KIAA0825: variants seen among roughly 807,000 people sequenced by gnomAD.
KIAA0825 encodes uncharacterized protein KIAA0825.
KIAA0825 carries 119 observed loss-of-function variants against 147.6 expected under a neutral mutation model. The ratio of observed to expected loss-of-function variants is 0.81; its 90% CI spans 0.69 to 0.94. The LOEUF is 0.94. Ranked by LOEUF, KIAA0825 falls within the 40% of genes least tolerant of loss-of-function variation. The pLI, the probability that KIAA0825 is intolerant of heterozygous loss-of-function variation, is 0.00. For synonymous variants in KIAA0825, 470 were observed against 518.1 expected (o/e 0.91, Z 1.26); for missense variants, 1,381 against 1,472.7 (o/e 0.94, Z 1.02).
chr5:94,477,112 T>C lies in KIAA0825; in HGVS notation c.1226A>G (p.Glu409Gly). 10 of 1,549,032 alleles carry C rather than the reference T, an allele frequency of 6.5e-6. No individual in the cohort carries two copies. The South Asian group carries it at 1.2e-4, about 18-fold the overall frequency. Residue 409 changes from glutamate to glycine, a missense_variant and splice_region_variant, in exon 7 of 21, where the codon GAG (glutamate) becomes GGG (glycine). Glu to Gly is a moderately conservative substitution (Grantham distance 98). Coordinates refer to ENST00000682413, the MANE Select transcript of KIAA0825 (RefSeq NM_001145678.3). ...AACACTTCTTTTTCCTTCACTTACC[T>C]CTTTTCCTGGTAGTGATTGCTCGGA... Reference protein sequence around the residue: ...IPSEQSLPGKEATLLDFGWRS... With the variant: ...IPSEQSLPGKGATLLDFGWRS...
At chr5:94,517,521 T>C (rs1367267800) in intron 5 of KIAA0825, among the ~76,000 whole-genome samples, 1 of 151,894 alleles carries the variant, frequency 6.6e-6, no homozygotes. Context: ...CAACTAAAGA[T>C]TGAATAGGTC....
intron 5 of KIAA0825, among the ~76,000 whole-genome samples, chr5:94,492,043 T>C (rs1299317462): frequency 6.6e-6 from 1 of 152,152 alleles, no homozygotes; most frequent in Non-Finnish European, 1.5e-5. Flanking sequence ...TGTAAATGAA[T>C]CTGATTTTGA....
intron 20 of KIAA0825, among the ~76,000 whole-genome samples, chr5:94,184,205 A>C (rs1769916147): frequency 6.6e-6 from 1 of 152,180 alleles, no homozygotes; most frequent in Non-Finnish European, 1.5e-5. Flanking sequence ...ATTTTCCTAG[A>C]GATGTTAAGG....
chr5:94,582,790 T>G (rs1485803701), intron 1 of KIAA0825, among the ~76,000 whole-genome samples: 1 of 152,202 alleles, frequency 6.6e-6, no homozygotes, highest in East Asian at 1.9e-4. Flanking sequence ...GTCCATAGAC[T>G]GCAGCAACAC....
At chr5:94,465,125 G>A in intron 10 of KIAA0825, 66 bp from the exon 11 acceptor site, 1 of 1,434,860 alleles carries the variant, frequency 7.0e-7, no homozygotes, top group Non-Finnish European at 9.4e-7. Flanking sequence ...TGCTTCCTAT[G>A]AACGTAATTA....
At chr5:94,343,374 A>G (rs1041014424) in intron 20 of KIAA0825, among the ~76,000 whole-genome samples, 3 of 152,276 alleles carry the variant, frequency 2.0e-5, no homozygotes, top group Admixed American at 6.5e-5. Flanking sequence ...AAAATCTTCT[A>G]TTTACCAAAG....
intron 11 of KIAA0825, among the ~76,000 whole-genome samples, chr5:94,464,159 TC>T: frequency 6.6e-6 from 1 of 151,116 alleles, no homozygotes; most frequent in Middle Eastern, 3.5e-3. Context: ...AAGGTCTGAA[TC>T]ACATTATACA....
At chr5:94,512,259 GAA>G (rs35386287) in intron 5 of KIAA0825, among the ~76,000 whole-genome samples, 1 of 151,334 alleles carries the variant, frequency 6.6e-6, no homozygotes, top group Non-Finnish European at 1.5e-5. Context: ...GAACATTTAT[GAA>G]AAAAAAGTTG....
chr5:94,336,766 G>A (rs186880551), intron 20 of KIAA0825, among the ~76,000 whole-genome samples: 226 of 152,138 alleles, frequency 1.5e-3, no homozygotes, highest in African/African-American at 5.3e-3. Context: ...TAATCCTTTG[G>A]GTATATACCC....
intron 20 of KIAA0825, among the ~76,000 whole-genome samples, chr5:94,378,896 A>G (rs1320837202): frequency 1.3e-5 from 2 of 152,106 alleles, no homozygotes; most frequent in Admixed American, 6.5e-5. Flanking sequence ...GATCATGTGT[A>G]TGTCTTCTTT....
intron 20 of KIAA0825, among the ~76,000 whole-genome samples, chr5:94,166,699 GGTTTCACCAT>G (rs1768080348): frequency 6.6e-6 from 1 of 151,612 alleles, no homozygotes; most frequent in African/African-American, 2.4e-5. Flanking sequence ...GTAGAGACGG[GGTTTCACCAT>G]GTTGGCCAGG....
At chr5:94,507,618 A>G (rs1584721381) in intron 5 of KIAA0825, among the ~76,000 whole-genome samples, 1 of 152,132 alleles carries the variant, frequency 6.6e-6, no homozygotes, top group South Asian at 2.1e-4. Flanking sequence ...TCAGTGACCC[A>G]GTCAAATAAT....
intron 20 of KIAA0825, among the ~76,000 whole-genome samples, chr5:94,206,949 C>A (rs1257161341): frequency 1.3e-5 from 2 of 152,118 alleles, no homozygotes; most frequent in African/African-American, 4.8e-5. Context: ...CATTGCTGTT[C>A]TTTTCTGGTT....
At chr5:94,487,990 C>T (rs902371715) in intron 5 of KIAA0825, among the ~76,000 whole-genome samples, 1 of 152,088 alleles carries the variant, frequency 6.6e-6, no homozygotes, top group Non-Finnish European at 1.5e-5. Flanking sequence ...ATGGCTCCAT[C>T]TCGGCTCACT....
chr5:94,406,164 A>G (rs569099765), intron 15 of KIAA0825, among the ~76,000 whole-genome samples: 2 of 152,184 alleles, frequency 1.3e-5, no homozygotes, highest in South Asian at 4.1e-4. Context: ...TGACCTTGTG[A>G]TCCACCCACC....
chr5:94,294,054 C>A (rs989653004), intron 20 of KIAA0825, among the ~76,000 whole-genome samples: 1 of 152,300 alleles, frequency 6.6e-6, no homozygotes, highest in Admixed American at 6.5e-5. Context: ...CTGAATACAA[C>A]ACACTGATGG....
chr5:94,463,301 G>C (rs1760066561), intron 11 of KIAA0825, among the ~76,000 whole-genome samples: 2 of 150,790 alleles, frequency 1.3e-5, no homozygotes, highest in South Asian at 4.2e-4. Flanking sequence ...TGAAGAAATA[G>C]AAAATGAAAA....
intron 5 of KIAA0825, 57 bp downstream of exon 5, chr5:94,520,191 A>G (rs1661739205): frequency 1.4e-6 from 2 of 1,448,628 alleles, no homozygotes; most frequent in Non-Finnish European, 1.8e-6. Context: ...ATCTTAGAAA[A>G]TTAAACATAT....
intron 20 of KIAA0825, among the ~76,000 whole-genome samples, chr5:94,229,385 C>T (rs554692782): frequency 2.2e-4 from 34 of 152,148 alleles, no homozygotes; most frequent in Admixed American, 2.1e-3. Context: ...TTAAGATCTT[C>T]TCTTTATCCC....
Sources: gnomAD v4.1 joint callset for allele counts (sites outside exome capture counted in the v4.1 genomes callset) on GRCh38, gnomAD v4.1.1 for gene constraint, MANE v1.5 for transcripts, NCBI Gene and HGNC (gene_info 2026-07-23, HGNC 2026-07-21) for gene names.